The following ITGB3 variants were observed in gnomAD, a reference collection of about 807,000 sequenced individuals.
The protein encoded by ITGB3 is integrin subunit beta 3, also known as integrin beta-3.
Under a neutral mutation model 85.8 loss-of-function variants are expected in ITGB3, and 48 were observed. The observed-to-expected ratio is 0.56, with a 90% CI of 0.44 to 0.71. The LOEUF is 0.71. Among genes scored for constraint, ITGB3 ranks in the 30% least tolerant of loss-of-function variants. ITGB3 has a pLI of 0.00. For missense variants in ITGB3, 861 were observed against 1,019.1 expected (o/e 0.84, Z 2.11); for synonymous variants, 363 against 395.6 (o/e 0.92, Z 0.98).
intron 12 of ITGB3, 24 bp downstream of exon 12, chr17:47,300,602 T>C (rs1172337186): frequency 6.5e-7 from 1 of 1,537,690 alleles, no homozygotes; most frequent in Non-Finnish European, 9.0e-7. Flanking sequence ...ATCTTAGAGT[T>C]GCACACACCC....
At chr17:47,264,738 T>C (rs754077051) in intron 1 of ITGB3, among the ~76,000 whole-genome samples, 20 of 152,246 alleles carry the variant, frequency 1.3e-4, no homozygotes, top group Non-Finnish European at 2.8e-4. Flanking sequence ...CTTGGGTTCT[T>C]TCTGGAATGT....
intron 9 of ITGB3, 34 bp from the exon 10 acceptor site, chr17:47,292,105 A>C (rs1312016811): frequency 1.2e-6 from 2 of 1,611,550 alleles, no homozygotes; most frequent in African/African-American, 1.3e-5. Flanking sequence ...ACTGGGCCCA[A>C]CTGTGTCTAA....
At chr17:47,290,157 C>G (rs765264612) in intron 7 of ITGB3, 28 bp from the exon 8 acceptor site, 7 of 1,577,454 alleles carry the variant, frequency 4.4e-6, no homozygotes, top group Non-Finnish European at 3.5e-6. Flanking sequence ...CTTTGGTAAG[C>G]TCTGGACATC....
chr17:47,275,656 G>C (rs1260637789), intron 2 of ITGB3, among the ~76,000 whole-genome samples: 1 of 152,262 alleles, frequency 6.6e-6, no homozygotes, highest in Non-Finnish European at 1.5e-5. Flanking sequence ...GGCCGCCTGG[G>C]GGGAGGGGCG....
chr17:47,274,280 G>T (rs566137693), intron 1 of ITGB3, 139 bp from the exon 2 acceptor site: 3 of 758,930 alleles, frequency 4.0e-6, no homozygotes, highest in Non-Finnish European at 7.1e-6. Flanking sequence ...TTTGGTAGAC[G>T]TCTGTGGTAT....
intron 1 of ITGB3, among the ~76,000 whole-genome samples, chr17:47,270,195 A>C (rs993095078): frequency 6.6e-6 from 1 of 152,204 alleles, no homozygotes; most frequent in African/African-American, 2.4e-5. Context: ...GTGGAGACAC[A>C]GCCAAACCAT....
At position 47,302,706 on chromosome 17, in the gene ITGB3, T is replaced by A. The variant is rs1469314464; in HGVS notation, c.2015-15T>A. ...GTTGTCTCACTTTTTATTCCTCCAT[T>A]TTCCCTACTCCCAGAGGACACTGGC... On this transcript the variant is annotated splice_polypyrimidine_tract_variant and intron_variant, in intron 12 of 14. Transcript: ENST00000559488. The A allele has an allele frequency of 6.2e-7, 1 of 1,613,918 alleles. No homozygotes were observed. The highest frequency in any genetic ancestry group is 2.2e-5 in the East Asian group (1 of 44,884).
At position 47,310,254 on chromosome 17, in the gene ITGB3, G is replaced by A; in HGVS notation, c.*50G>A. 1 of 1,535,438 alleles carries A rather than the reference G, an allele frequency of 6.5e-7. No individual in the cohort carries two copies. The highest frequency in any genetic ancestry group is 2.2e-5 in the East Asian group (1 of 44,514). On this transcript the variant is annotated 3_prime_UTR_variant, in exon 15 of 15. Transcript: ENST00000559488. ...TTATCAGCCTGTGCCACGATTGCAG[G>A]AGTCCCTGCCATCATGTTTACAGAG...
At chr17:47,258,971 G>A (rs1310687380) in intron 1 of ITGB3, among the ~76,000 whole-genome samples, 8 of 152,180 alleles carry the variant, frequency 5.3e-5, no homozygotes, top group African/African-American at 9.7e-5. Flanking sequence ...AGGCCACTCC[G>A]TCATCCTCCG....
Position 47,302,857 on chromosome 17 carries a change from G to T in ITGB3, c.2134+17G>T. Reference sequence around the variant, plus strand: ...AAGAGCCAGGTGAGTGAACCCTGACGGCTCCCGGCCCTGCCCCAGGAGGGA... The same window carrying T: ...AAGAGCCAGGTGAGTGAACCCTGACTGCTCCCGGCCCTGCCCCAGGAGGGA... On this transcript the variant is annotated intron_variant, in intron 13 of 14. Transcript: ENST00000559488. The T allele has an allele frequency of 1.9e-6, 3 of 1,614,026 alleles. No individual in the cohort carries two copies. Among genetic ancestry groups the T allele is most frequent in the Non-Finnish European group, 2.5e-6 (3 of 1,179,954 alleles).
intron 13 of ITGB3, 23 bp downstream of exon 13, chr17:47,302,863 C>T (rs375647456): frequency 4.2e-5 from 67 of 1,613,688 alleles, no homozygotes; most frequent in Non-Finnish European, 5.3e-5. Flanking sequence ...TGACGGCTCC[C>T]GGCCCTGCCC....
intron 2 of ITGB3, among the ~76,000 whole-genome samples, chr17:47,281,356 G>T (rs2065083302): frequency 6.6e-6 from 1 of 152,194 alleles, no homozygotes; most frequent in Non-Finnish European, 1.5e-5. Flanking sequence ...AACTTGGTAA[G>T]GAGCCCTCAT....
At chr17:47,281,433 T>C (rs1200425864) in intron 2 of ITGB3, among the ~76,000 whole-genome samples, 2 of 152,214 alleles carry the variant, frequency 1.3e-5, no homozygotes, top group Non-Finnish European at 2.9e-5. Flanking sequence ...CTGAAAACAC[T>C]GTGTCATCTA....
intron 1 of ITGB3, among the ~76,000 whole-genome samples, chr17:47,268,187 T>G (rs1042066221): frequency 6.6e-6 from 1 of 152,144 alleles, no homozygotes; most frequent in African/African-American, 2.4e-5. Flanking sequence ...ACATGGGGAT[T>G]GTGGGAACTA....
intron 9 of ITGB3, among the ~76,000 whole-genome samples, chr17:47,291,754 TTG>T (rs2143111430): frequency 6.6e-6 from 1 of 152,314 alleles, no homozygotes; most frequent in East Asian, 1.9e-4. Context: ...CCATGTGGGA[TTG>T]TGTGGTGCAA....
rs1442321434 is a variant in ITGB3 at position 47,287,084 on chromosome 17, G to A, written c.792G>A (p.Trp264Ter). The stretch of plus-strand genomic sequence containing the variant: ...TCTTTTAACAGGAAAAGATTGGCTG[G>A]AGGAATGATGCATCCCACTTGCTGG... The part of the protein sequence containing the change: ...QATVCDEKIG[W>*]RNDASHLLVF... Residue 264 changes from tryptophan to a stop codon, truncating the protein, a stop_gained, in exon 6 of 15, where the codon TGG becomes TGA. Transcript: ENST00000559488. LOFTEE classifies it high-confidence loss of function. The A allele has an allele frequency of 2.5e-6, 4 of 1,614,050 alleles. No individual in the cohort carries two copies. Among genetic ancestry groups the A allele is most frequent in the Admixed American group, 3.3e-5 (2 of 60,030 alleles).
In ITGB3 at chr17:47,310,150, A is replaced by G; in HGVS notation, c.2313A>G (p.Pro771=). 6.2e-7 allele frequency: 1 copy of G among 1,614,020 alleles called. No homozygotes were observed. Among genetic ancestry groups the G allele is most frequent in the Non-Finnish European group, 8.5e-7 (1 of 1,179,950 alleles). The change falls in exon 15 of 15, where the codon CCA becomes CCG. Residue 771 remains proline (P), a synonymous_variant. Transcript: ENST00000559488. ...ARAKWDTANN[P]LYKEATSTFT... Reference sequence around the variant, plus strand: ...TGTTTCCTCCACAGGCCAACAACCCACTGTATAAAGAGGCCACGTCTACCT... The same window carrying G: ...TGTTTCCTCCACAGGCCAACAACCCGCTGTATAAAGAGGCCACGTCTACCT...
At chr17:47,260,052 T>G (rs1345290589) in intron 1 of ITGB3, among the ~76,000 whole-genome samples, 1 of 150,632 alleles carries the variant, frequency 6.6e-6, no homozygotes, top group African/African-American at 2.4e-5. Flanking sequence ...GTTTAGACAT[T>G]TCCCCTCGCA....
chr17:47,260,559 A>G (rs1304684176), intron 1 of ITGB3, among the ~76,000 whole-genome samples: 1 of 152,208 alleles, frequency 6.6e-6, no homozygotes, highest in Non-Finnish European at 1.5e-5. Context: ...AATTTTGGAT[A>G]GAGAAACCTG....
Sources: allele counts gnomAD v4.1 joint callset (sites outside exome capture counted in the v4.1 genomes callset), GRCh38; gene constraint gnomAD v4.1.1; transcripts MANE v1.5; gene names NCBI Gene and HGNC (gene_info 2026-07-23, HGNC 2026-07-21).